MTHFD1L: variants seen among roughly 807,000 people sequenced by gnomAD.
MTHFD1L encodes the protein monofunctional C1-tetrahydrofolate synthase, mitochondrial.
In MTHFD1L, 81 loss-of-function variants were observed where a neutral mutation model predicts 119.5. The ratio of observed to expected loss-of-function variants is 0.68; its 90% CI spans 0.57 to 0.82. The LOEUF is 0.82. MTHFD1L is among the 40% of genes least tolerant of loss of function. The probability of loss-of-function intolerance (pLI) is 0.00; values close to 1 mark genes in which losing one functional copy is unlikely to be tolerated. For synonymous variants in MTHFD1L, 430 were observed against 475.2 expected (o/e 0.90, Z 1.24); for missense variants, 1,125 against 1,253.4 (o/e 0.90, Z 1.55).
intron 20 of MTHFD1L, among the ~76,000 whole-genome samples, chr6:150,980,701 C>A (rs1263540741): frequency 2.1e-5 from 3 of 139,602 alleles, no homozygotes; most frequent in Admixed American, 7.5e-5. Flanking sequence ...CAGAGTGAGA[C>A]CCTGTCTCTA....
At chr6:151,065,407 T>C (rs1562619755) in intron 26 of MTHFD1L, among the ~76,000 whole-genome samples, 1 of 152,224 alleles carries the variant, frequency 6.6e-6, no homozygotes, top group Non-Finnish European at 1.5e-5. Flanking sequence ...CAGAACTCTC[T>C]TGTGGTTGTG....
chr6:151,036,246 A>G (rs2074604456), intron 25 of MTHFD1L, among the ~76,000 whole-genome samples: 1 of 152,148 alleles, frequency 6.6e-6, no homozygotes, highest in East Asian at 1.9e-4. Context: ...CAAAACCTCC[A>G]TCTCTATTTT....
At chr6:150,999,944 C>G (rs182428147) in intron 20 of MTHFD1L, among the ~76,000 whole-genome samples, 1 of 152,344 alleles carries the variant, frequency 6.6e-6, no homozygotes, top group East Asian at 1.9e-4. Context: ...TCCCCAGTAA[C>G]TTCCTCATGT....
chr6:150,883,943 A>G (rs1781790770), intron 5 of MTHFD1L, among the ~76,000 whole-genome samples: 1 of 152,100 alleles, frequency 6.6e-6, no homozygotes, highest in South Asian at 2.1e-4. Context: ...GACACCCAGC[A>G]ATCTTCCATT....
chr6:150,984,423 T>C (rs1399187010), intron 20 of MTHFD1L, among the ~76,000 whole-genome samples: 2 of 152,140 alleles, frequency 1.3e-5, no homozygotes, highest in African/African-American at 2.4e-5. Flanking sequence ...AAAGCCTTTT[T>C]CCCCCCTTTA....
At chr6:150,882,255 C>T (rs1315644694) in intron 4 of MTHFD1L, among the ~76,000 whole-genome samples, 2 of 152,210 alleles carry the variant, frequency 1.3e-5, no homozygotes, top group Non-Finnish European at 2.9e-5. Context: ...TCCAGATAAC[C>T]CGAGGGCCTC....
At chr6:150,973,161 T>A (rs1385316988) in intron 20 of MTHFD1L, among the ~76,000 whole-genome samples, 1 of 152,340 alleles carries the variant, frequency 6.6e-6, no homozygotes, top group East Asian at 1.9e-4. Context: ...ACTCTTATCA[T>A]CAGCTTTGGA....
intron 5 of MTHFD1L, 114 bp downstream of exon 5, chr6:150,883,000 T>A: frequency 9.3e-7 from 1 of 1,072,036 alleles, no homozygotes; most frequent in Non-Finnish European, 1.3e-6. Context: ...AGTAATTGGA[T>A]AAAAAAATCA....
chr6:150,875,240 G>A (rs1780238589), intron 1 of MTHFD1L, among the ~76,000 whole-genome samples: 1 of 151,922 alleles, frequency 6.6e-6, no homozygotes, highest in Admixed American at 6.6e-5. Flanking sequence ...ATAGAGATGG[G>A]ATCTCGTTAT....
chr6:151,068,222 A>G (rs1178520806), intron 26 of MTHFD1L, among the ~76,000 whole-genome samples: 2 of 152,232 alleles, frequency 1.3e-5, no homozygotes, highest in Non-Finnish European at 2.9e-5. Flanking sequence ...TGCTGGTCCT[A>G]TCTGTAGCAA....
intron 7 of MTHFD1L, among the ~76,000 whole-genome samples, chr6:150,888,478 A>G (rs1233781575): frequency 3.3e-5 from 5 of 152,256 alleles, no homozygotes; most frequent in Non-Finnish European, 5.9e-5. Flanking sequence ...TTCTCACCAT[A>G]GTAAGTACAG....
At chr6:150,875,658 C>T (rs995850386) in intron 1 of MTHFD1L, among the ~76,000 whole-genome samples, 1 of 152,032 alleles carries the variant, frequency 6.6e-6, no homozygotes, top group African/African-American at 2.4e-5. Context: ...TCTTCACCCC[C>T]CTAATCCCCT....
At chr6:150,948,692 G>A (rs962745733) in intron 15 of MTHFD1L, among the ~76,000 whole-genome samples, 3 of 151,314 alleles carry the variant, frequency 2.0e-5, no homozygotes, top group Non-Finnish European at 4.4e-5. Flanking sequence ...CCAGGCTGGA[G>A]TGCAATGGCA....
intron 26 of MTHFD1L, among the ~76,000 whole-genome samples, chr6:151,091,755 G>A (rs1286816146): frequency 6.6e-6 from 1 of 152,084 alleles, no homozygotes; most frequent in Non-Finnish European, 1.5e-5. Flanking sequence ...GTATGGTAGT[G>A]GTGAAATGAG....
At chr6:151,069,701 C>T (rs186628929) in intron 26 of MTHFD1L, among the ~76,000 whole-genome samples, 87 of 152,248 alleles carry the variant, frequency 5.7e-4, no homozygotes, top group Admixed American at 1.4e-3. Context: ...GATCACTTCC[C>T]TGGTGGGATC....
At chr6:151,014,818 T>C in intron 22 of MTHFD1L, 62 bp from the exon 23 acceptor site, 2 of 1,310,860 alleles carry the variant, frequency 1.5e-6, no homozygotes, top group Non-Finnish European at 2.2e-6. Context: ...GCAGTTTAGC[T>C]TGGCAGGTTT....
chr6:151,057,619 G>A lies in MTHFD1L; in HGVS notation c.2847+20502G>A, dbSNP rs1169659536. ...TGCACTCCAGCCTGGGCAACAGAGT[G>A]AGACCCTGTCTTAAAAAAACAAAAA... On this transcript the variant is annotated intron_variant, in intron 26 of 27. Coordinates refer to ENST00000367321, the MANE Select transcript of MTHFD1L (RefSeq NM_015440.5). Among the ~76,000 whole-genome samples, 3 of 152,078 alleles carry A rather than the reference G, an allele frequency of 2.0e-5. No homozygotes were observed. In the East Asian group the frequency reaches 5.8e-4, roughly 29 times the overall value.
At chr6:150,871,973 G>A (rs1156842110) in intron 1 of MTHFD1L, among the ~76,000 whole-genome samples, 1 of 151,814 alleles carries the variant, frequency 6.6e-6, no homozygotes, top group African/African-American at 2.4e-5. Context: ...TGCCTCCCGG[G>A]TTCAATAAAT....
At chr6:150,978,111 G>A (rs1160300579) in intron 20 of MTHFD1L, among the ~76,000 whole-genome samples, 1 of 152,010 alleles carries the variant, frequency 6.6e-6, no homozygotes, top group Non-Finnish European at 1.5e-5. Flanking sequence ...ATGTTAGCCA[G>A]GCTGGTCTCG....
Sources: allele counts gnomAD v4.1 joint callset (sites outside exome capture counted in the v4.1 genomes callset), GRCh38; gene constraint gnomAD v4.1.1; transcripts MANE v1.5; gene names NCBI Gene and HGNC (gene_info 2026-07-23, HGNC 2026-07-21).